ZNF777: variants seen among roughly 807,000 people sequenced by gnomAD.
ZNF777 encodes zinc finger protein 777.
A neutral mutation model predicts 72.1 loss-of-function variants in ZNF777; 7 were observed. The ratio of observed to expected loss-of-function variants is 0.10; its 90% CI spans 0.06 to 0.18. The LOEUF is 0.18. Among genes scored for constraint, ZNF777 ranks in the 10% least tolerant of loss-of-function variants. The probability of loss-of-function intolerance (pLI) is 1.00; values close to 1 mark genes in which losing one functional copy is unlikely to be tolerated. For missense variants in ZNF777, 828 were observed against 1,128.6 expected (o/e 0.73, Z 3.82); for synonymous variants, 545 against 483.5 (o/e 1.13, Z -1.67).
At chr7:149,444,457 C>T (rs2116586021) in intron 4 of ZNF777, among the ~76,000 whole-genome samples, 1 of 152,318 alleles carries the variant, frequency 6.6e-6, no homozygotes, top group South Asian at 2.1e-4. Flanking sequence ...GCACAGCTGA[C>T]CTCTCGGAAT....
Position 149,455,166 on chromosome 7 carries a change from G to A in ZNF777, c.846+11C>T, listed in dbSNP as rs1270682509. ...CACTTCCTTGGGAAGCCCCAGTTGG[G>A]ATGTGCTTACCTTGGGAACTTCTCC... On this transcript the variant is annotated intron_variant, in intron 2 of 5. Coordinates refer to ENST00000247930, the MANE Select transcript of ZNF777 (RefSeq NM_015694.3). The surrounding 1 kb of genome is among the most constrained non-coding windows in gnomAD (Gnocchi z 4.2). The A allele has an allele frequency of 6.2e-7, 1 of 1,604,392 alleles. No individual in the cohort carries two copies. Among genetic ancestry groups the A allele is most frequent in the Non-Finnish European group, 8.5e-7 (1 of 1,175,786 alleles).
At chr7:149,445,120 C>T (rs1799581133) in intron 4 of ZNF777, among the ~76,000 whole-genome samples, 2 of 151,656 alleles carry the variant, frequency 1.3e-5, no homozygotes, top group Admixed American at 1.3e-4. Context: ...TGTGCTTATC[C>T]TCCAACACTG....
At chr7:149,440,553 TC>T (rs1271191042) in intron 4 of ZNF777, among the ~76,000 whole-genome samples, 2 of 151,860 alleles carry the variant, frequency 1.3e-5, no homozygotes, top group African/African-American at 2.4e-5. Flanking sequence ...AGACGAGGTC[TC>T]CCTATGTTGC....
chr7:149,436,415 G>A lies in ZNF777; in HGVS notation c.1339+160C>T, dbSNP rs758321580. ...CGGATTCTTACAAGTCCCGCGTCAC[G>A]GAGCCTATACTCGAGGCCGTGCTTG... On this transcript the variant is annotated intron_variant, in intron 5 of 5. Transcript: ENST00000247930. The surrounding 1 kb of genome is among the most constrained non-coding windows in gnomAD (Gnocchi z 5.0). Among the ~76,000 whole-genome samples, 16 of 152,224 alleles carry A rather than the reference G, an allele frequency of 1.1e-4. No homozygotes were observed. Among genetic ancestry groups the A allele is most frequent in the South Asian group, 8.3e-4 (4 of 4,820 alleles).
intron 1 of ZNF777, 113 bp from the exon 2 acceptor site, chr7:149,456,150 T>C (rs1015690422): frequency 9.6e-6 from 11 of 1,140,058 alleles, no homozygotes; most frequent in East Asian, 2.5e-5. Flanking sequence ...GTAGCAATAA[T>C]ATGTGCCCCT....
chr7:149,445,044 C>A (rs1799580100), intron 4 of ZNF777, among the ~76,000 whole-genome samples: 1 of 152,146 alleles, frequency 6.6e-6, no homozygotes, highest in East Asian at 1.9e-4. Flanking sequence ...TTTCCCTATT[C>A]CCTTCCATCC....
chr7:149,446,143 C>T (rs553924432), intron 4 of ZNF777, among the ~76,000 whole-genome samples: 5 of 152,206 alleles, frequency 3.3e-5, no homozygotes, highest in South Asian at 2.1e-4. Context: ...TTTGGGAGTC[C>T]GAGGCGGGCA....
At chr7:149,454,008 C>T (rs1799775421) in intron 3 of ZNF777, 103 bp downstream of exon 3, 5 of 1,519,764 alleles carry the variant, frequency 3.3e-6, no homozygotes, top group Non-Finnish European at 3.6e-6. Context: ...GTTCTCCTTG[C>T]TTGCAACTAT....
chr7:149,444,802 C>T (rs776553625), intron 4 of ZNF777, among the ~76,000 whole-genome samples: 1 of 152,228 alleles, frequency 6.6e-6, no homozygotes, highest in Non-Finnish European at 1.5e-5. Context: ...CCTGGAAGCT[C>T]GTAGGATTTC....
At chr7:149,437,018 A>G (rs1224588687) in intron 4 of ZNF777, among the ~76,000 whole-genome samples, 192 bp from the exon 5 acceptor site, 2 of 152,160 alleles carry the variant, frequency 1.3e-5, no homozygotes, top group Non-Finnish European at 2.9e-5. Flanking sequence ...GAATACCAAT[A>G]CAAACTGTAG....
intron 5 of ZNF777, among the ~76,000 whole-genome samples, chr7:149,435,381 G>A (rs1042589317): frequency 6.6e-6 from 1 of 151,846 alleles, no homozygotes; most frequent in African/African-American, 2.4e-5. Flanking sequence ...ATGTTGCCTG[G>A]GCTGGCCATG....
chr7:149,459,507 C>G (rs535431319), intron 1 of ZNF777, among the ~76,000 whole-genome samples: 2 of 152,222 alleles, frequency 1.3e-5, no homozygotes, highest in East Asian at 3.9e-4. Context: ...CCGGCCTCCC[C>G]CGCCGCCCCC....
chr7:149,460,560 G>A lies in ZNF777; in HGVS notation c.-16+255C>T, dbSNP rs1185248439. On this transcript the variant is annotated intron_variant, in intron 1 of 5. Transcript: ENST00000247930. The surrounding 1 kb of genome is among the most constrained non-coding windows in gnomAD (Gnocchi z 6.1). ...CCGGCGCCTCTTTAGCAGGGGAGCTGCACAGCAGCTGCCATGTTGCTACAA... is the reference window on the plus strand; with the variant it reads ...CCGGCGCCTCTTTAGCAGGGGAGCTACACAGCAGCTGCCATGTTGCTACAA... Among the ~76,000 whole-genome samples, 1 of 151,876 alleles carries A rather than the reference G, an allele frequency of 6.6e-6. No homozygotes were observed. Among genetic ancestry groups the A allele is most frequent in the Non-Finnish European group, 1.5e-5 (1 of 67,950 alleles).
intron 1 of ZNF777, 76 bp from the exon 2 acceptor site, chr7:149,456,113 T>G: frequency 6.8e-7 from 1 of 1,471,918 alleles, no homozygotes; most frequent in Non-Finnish European, 9.0e-7. Context: ...CAAAGACAAG[T>G]ATACACATAA....
chr7:149,448,957 G>A (rs1209338608), intron 4 of ZNF777, among the ~76,000 whole-genome samples: 2 of 152,126 alleles, frequency 1.3e-5, no homozygotes, highest in Non-Finnish European at 2.9e-5. Flanking sequence ...GTCATGTTTG[G>A]TATATTTGGA....
At chr7:149,453,645 C>T (rs1288805547) in intron 3 of ZNF777, among the ~76,000 whole-genome samples, 2 of 152,198 alleles carry the variant, frequency 1.3e-5, no homozygotes, top group Non-Finnish European at 2.9e-5. Context: ...AGTGTGAACA[C>T]CTGTCTTAGC....
chr7:149,449,870 C>T (rs190435452), intron 4 of ZNF777, among the ~76,000 whole-genome samples: 42 of 152,334 alleles, frequency 2.8e-4, no homozygotes, highest in Admixed American at 5.9e-4. Flanking sequence ...CACTGGATTT[C>T]TCTGGGACAT....
At chr7:149,453,819 A>G (rs1045097403) in intron 3 of ZNF777, among the ~76,000 whole-genome samples, 2 of 152,232 alleles carry the variant, frequency 1.3e-5, no homozygotes, top group Non-Finnish European at 1.5e-5. Context: ...AGGGGTCCCC[A>G]TGGGGAAAAA....
intron 4 of ZNF777, among the ~76,000 whole-genome samples, chr7:149,443,600 A>G (rs1361031372): frequency 6.6e-6 from 1 of 152,216 alleles, no homozygotes; most frequent in East Asian, 1.9e-4. Flanking sequence ...ATACATGCAC[A>G]TAGGCTAGTG....
Sources: gnomAD v4.1 joint callset for allele counts (sites outside exome capture counted in the v4.1 genomes callset) on GRCh38, gnomAD v4.1.1 for gene constraint, Gnocchi (gnomAD v3.1) non-coding constraint, MANE v1.5 for transcripts, NCBI Gene and HGNC (gene_info 2026-07-23, HGNC 2026-07-21) for gene names.